Variants in UNC13C observed in about 807,000 individuals in gnomAD.
UNC13C encodes the protein protein unc-13 homolog C.
A neutral mutation model predicts 245.4 loss-of-function variants in UNC13C; 174 were observed. The observed-to-expected ratio is 0.71, with a 90% confidence interval of 0.63 to 0.80. The LOEUF (loss-of-function observed/expected upper bound fraction) is 0.80, where lower values mean the gene tolerates loss of function less well. UNC13C is among the 30% of genes least tolerant of loss of function. The pLI is 0.00. For synonymous variants in UNC13C, 992 were observed against 895.1 expected (o/e 1.11, Z -1.93); for missense variants, 2,829 against 2,602.9 (o/e 1.09, Z -1.89).
intron 4 of UNC13C, among the ~76,000 whole-genome samples, chr15:54,178,294 T>C (rs1304035555): frequency 6.6e-6 from 1 of 152,136 alleles, no homozygotes; most frequent in Non-Finnish European, 1.5e-5. Flanking sequence ...CCATATCTTC[T>C]CTCCACATGA....
At chr15:54,162,390 A>T (rs2033012496) in intron 4 of UNC13C, among the ~76,000 whole-genome samples, 1 of 152,184 alleles carries the variant, frequency 6.6e-6, no homozygotes, top group East Asian at 1.9e-4. Context: ...ACCAGAAGGC[A>T]TTCAAAGAGA....
intron 2 of UNC13C, among the ~76,000 whole-genome samples, chr15:54,033,592 A>G (rs1219534374): frequency 6.6e-6 from 1 of 152,144 alleles, no homozygotes; most frequent in East Asian, 1.9e-4. Context: ...AGGACCTGGG[A>G]ATAAGTATTG....
intron 10 of UNC13C, among the ~76,000 whole-genome samples, chr15:54,285,576 C>A (rs2037123225): frequency 6.6e-6 from 1 of 152,170 alleles, no homozygotes; most frequent in South Asian, 2.1e-4. Flanking sequence ...GTTTGAAAGG[C>A]TGCCGTGGCT....
intron 18 of UNC13C, among the ~76,000 whole-genome samples, chr15:54,399,542 A>G (rs1330176042): frequency 6.6e-6 from 1 of 151,884 alleles, no homozygotes; most frequent in Non-Finnish European, 1.5e-5. Context: ...GTACTATAAC[A>G]TGTAATTTCT....
At chr15:54,445,974 G>T (rs1179793211) in intron 19 of UNC13C, among the ~76,000 whole-genome samples, 2 of 152,098 alleles carry the variant, frequency 1.3e-5, no homozygotes, top group East Asian at 1.9e-4. Flanking sequence ...TTTGTATAAG[G>T]TGTAAGGAAG....
chr15:54,092,053 C>G (rs1431755073), intron 2 of UNC13C, among the ~76,000 whole-genome samples: 2 of 152,194 alleles, frequency 1.3e-5, no homozygotes, highest in Non-Finnish European at 2.9e-5. Context: ...CGGATCCCCT[C>G]TCTTAGGAGC....
At chr15:54,358,376 G>A (rs1329277253) in intron 17 of UNC13C, among the ~76,000 whole-genome samples, 2 of 152,014 alleles carry the variant, frequency 1.3e-5, no homozygotes, top group African/African-American at 4.8e-5. Context: ...TATTTTCATA[G>A]GGATAACATT....
intron 12 of UNC13C, among the ~76,000 whole-genome samples, chr15:54,299,752 A>C (rs1296437027): frequency 6.6e-6 from 1 of 152,158 alleles, no homozygotes; most frequent in East Asian, 1.9e-4. Flanking sequence ...ACCTCTAACT[A>C]ACCTCTCAGC....
At chr15:54,572,951 T>C (rs1288509229) in intron 30 of UNC13C, among the ~76,000 whole-genome samples, 1 of 152,152 alleles carries the variant, frequency 6.6e-6, no homozygotes, top group Non-Finnish European at 1.5e-5. Context: ...TCTCCTTCTC[T>C]TTTTTCTGTT....
the UNC13C span, among the ~76,000 whole-genome samples, chr15:53,899,976 G>A: frequency 2.0e-5 from 3 of 152,094 alleles, no homozygotes; most frequent in African/African-American, 2.4e-5. Flanking sequence ...AAAGCTCTTC[G>A]TTTTCTGCCA....
chr15:54,595,713 T>A (rs566210372), intron 30 of UNC13C, among the ~76,000 whole-genome samples: 1 of 152,350 alleles, frequency 6.6e-6, no homozygotes, highest in East Asian at 1.9e-4. Context: ...CTACCACTTG[T>A]GCTAAGAGTG....
the UNC13C span, among the ~76,000 whole-genome samples, chr15:53,884,081 C>A: frequency 3.4e-5 from 5 of 148,714 alleles, no homozygotes; most frequent in Non-Finnish European, 5.9e-5. Flanking sequence ...GCCCACGAGA[C>A]CAGTTGAGAC....
chr15:54,374,594 C>T (rs2039563915), intron 17 of UNC13C, among the ~76,000 whole-genome samples: 2 of 152,332 alleles, frequency 1.3e-5, no homozygotes, highest in Admixed American at 1.3e-4. Flanking sequence ...CATTTCTGAG[C>T]CTGCTGAAGA....
chr15:53,840,133 C>T, the UNC13C span, among the ~76,000 whole-genome samples: 7 of 152,016 alleles, frequency 4.6e-5, no homozygotes, highest in Non-Finnish European at 8.8e-5. Flanking sequence ...CCTTCAACAC[C>T]ATATAGAATT....
At chr15:54,431,388 T>C (rs1434004801) in intron 19 of UNC13C, among the ~76,000 whole-genome samples, 2 of 151,652 alleles carry the variant, frequency 1.3e-5, no homozygotes, top group African/African-American at 2.4e-5. Flanking sequence ...TATCTCCTTT[T>C]TCCATTAATG....
intron 17 of UNC13C, among the ~76,000 whole-genome samples, chr15:54,369,377 A>T (rs2039438743): frequency 2.0e-5 from 3 of 152,186 alleles, no homozygotes; most frequent in African/African-American, 7.2e-5. Context: ...ATTGCAATCC[A>T]GCATAACAGC....
chr15:53,907,653 T>C, the UNC13C span, among the ~76,000 whole-genome samples: 2 of 152,310 alleles, frequency 1.3e-5, no homozygotes, highest in South Asian at 4.1e-4. Context: ...CTGACTGAGA[T>C]GATGCATATG....
intron 19 of UNC13C, among the ~76,000 whole-genome samples, chr15:54,449,231 G>T (rs1891015084): frequency 6.6e-6 from 1 of 152,000 alleles, no homozygotes; most frequent in African/African-American, 2.4e-5. Context: ...TTCAACTTTG[G>T]TGAATCTGAC....
intron 2 of UNC13C, among the ~76,000 whole-genome samples, chr15:54,140,509 C>T (rs2031966726): frequency 6.6e-6 from 1 of 152,118 alleles, no homozygotes; most frequent in African/African-American, 2.4e-5. Context: ...AAGAGGAATG[C>T]ACAGTGCACA....
Sources: gnomAD v4.1 joint callset for allele counts (sites outside exome capture counted in the v4.1 genomes callset) on GRCh38, gnomAD v4.1.1 for gene constraint, MANE v1.5 for transcripts, NCBI Gene and HGNC (gene_info 2026-07-23, HGNC 2026-07-21) for gene names.